The following RWDD3 variants were observed in gnomAD, a reference collection of about 807,000 sequenced individuals.
The protein encoded by RWDD3 is RWD domain containing 3.
In RWDD3, 30 loss-of-function variants were observed where a neutral mutation model predicts 26.5. The observed-to-expected ratio is 1.13, with a 90% CI of 0.85 to 1.54. The LOEUF (loss-of-function observed/expected upper bound fraction) is 1.54, where lower values mean the gene tolerates loss of function less well. Among genes scored for constraint, RWDD3 ranks in the 40% most tolerant of loss-of-function variants. The pLI is 0.00. For missense variants in RWDD3, 296 were observed against 309.1 expected, an observed-to-expected ratio of 0.96 and a Z score of 0.32; for synonymous variants, 113 against 114.5, an observed-to-expected ratio of 0.99 and a Z score of 0.09.
At chr1:95,234,385 C>T in intron 1 of RWDD3, 70 bp downstream of exon 1, 1 of 1,426,184 alleles carries the variant, frequency 7.0e-7, no homozygotes, top group Non-Finnish European at 9.7e-7. Flanking sequence ...CGTCTCCTCC[C>T]CACCACGGAG....
chr1:95,236,143 T>C (rs902841188), intron 1 of RWDD3, among the ~76,000 whole-genome samples: 1 of 152,082 alleles, frequency 6.6e-6, no homozygotes, highest in Non-Finnish European at 1.5e-5. Context: ...CTGGCCAACA[T>C]GGCGAAACCC....
chr1:95,239,577 A>G (rs1200868230), intron 1 of RWDD3, among the ~76,000 whole-genome samples: 1 of 152,156 alleles, frequency 6.6e-6, no homozygotes, highest in Non-Finnish European at 1.5e-5. Context: ...ATCATTTTGT[A>G]TAATCTTATT....
intron 1 of RWDD3, among the ~76,000 whole-genome samples, chr1:95,236,250 C>T (rs957352309): frequency 1.3e-5 from 2 of 151,212 alleles, no homozygotes; most frequent in East Asian, 2.0e-4. Flanking sequence ...CACTTGAACC[C>T]GGGAGGCGGA....
Position 95,234,283 on chromosome 1 carries a change from G to A in RWDD3, c.53G>A (p.Arg18Lys). The change falls in exon 1 of 4, where the codon AGG becomes AAG. Residue 18 changes from arginine (R) to lysine (K), a missense_variant. Arg to Lys is a conservative substitution (Grantham distance 26, BLOSUM62 2). Transcript: ENST00000370202. Reference protein sequence around the residue: ...ELSVLAAIFCRPHEWEVLSRS... With the variant: ...ELSVLAAIFCKPHEWEVLSRS... ...TCGGTCCTGGCCGCGATTTTCTGCA[G>A]GCCCCACGAGTGGGAGGTGCTGAGC... 6.3e-7 allele frequency: 1 copy of A among 1,599,040 alleles called. No homozygotes were observed. Among genetic ancestry groups the A allele is most frequent in the Non-Finnish European group, 8.5e-7 (1 of 1,173,256 alleles).
intron 1 of RWDD3, among the ~76,000 whole-genome samples, chr1:95,239,206 GGGCAGA>G (rs1286191477): frequency 6.6e-6 from 1 of 152,092 alleles, no homozygotes; most frequent in Non-Finnish European, 1.5e-5. Context: ...GGCTAAGGAG[GGGCAGA>G]GATTAGTATT....
At chr1:95,234,385 C>A in intron 1 of RWDD3, 70 bp downstream of exon 1, 1 of 1,426,182 alleles carries the variant, frequency 7.0e-7, no homozygotes, top group African/African-American at 1.4e-5. Context: ...CGTCTCCTCC[C>A]CACCACGGAG....
intron 1 of RWDD3, among the ~76,000 whole-genome samples, chr1:95,234,986 G>A (rs1266510714): frequency 1.3e-5 from 2 of 151,800 alleles, no homozygotes; most frequent in African/African-American, 2.4e-5. Flanking sequence ...TCCGCCTCCC[G>A]AGTAGCTGGG....
intron 1 of RWDD3, among the ~76,000 whole-genome samples, chr1:95,242,675 T>A (rs764743838): frequency 6.6e-6 from 1 of 152,118 alleles, no homozygotes; most frequent in Non-Finnish European, 1.5e-5. Context: ...TCCCAGCACT[T>A]TGGGAGGCCA....
At chr1:95,243,542 G>C (rs1219027372) in intron 1 of RWDD3, 2 of 152,316 alleles carry the variant, frequency 1.3e-5, no homozygotes, top group African/African-American at 4.8e-5. Flanking sequence ...GAGAGCAGAG[G>C]ATTTCATATG....
Position 95,242,303 on chromosome 1 carries a change from G to A in RWDD3, c.86-1908G>A, listed in dbSNP as rs12023967. On this transcript the variant is annotated intron_variant, in intron 1 of 3. Transcript: ENST00000370202. ...TCACTTGGGATATATCCCTGCTCTC[G>A]TGTTCTGAAACACTGGATTGAGTCA... is the stretch of plus-strand genomic sequence containing the variant. Among the ~76,000 whole-genome samples, 285 of 152,332 alleles carry A rather than the reference G, an allele frequency of 1.9e-3. 6 individuals are homozygous for A. The East Asian group carries it at 0.047, about 25-fold the overall frequency.
intron 1 of RWDD3, among the ~76,000 whole-genome samples, chr1:95,236,272 G>A (rs1484036720): frequency 6.6e-6 from 1 of 151,066 alleles, no homozygotes; most frequent in African/African-American, 2.4e-5. Flanking sequence ...GTTGCAGTGA[G>A]CCAAGATCTC....
chr1:95,234,300 G>C lies in RWDD3; in HGVS notation c.70G>C (p.Val24Leu), dbSNP rs375218626. Residue 24 changes from valine to leucine, a missense_variant, in exon 1 of 4, where the codon GTG becomes CTG. Val to Leu is a conservative substitution (Grantham distance 32). Coordinates refer to ENST00000370202, the MANE Select transcript of RWDD3 (RefSeq NM_015485.5). ...TTTCTGCAGGCCCCACGAGTGGGAGGTGCTGAGCCGCTCAGGTGACTACCC... is the reference window on the plus strand; with the variant it reads ...TTTCTGCAGGCCCCACGAGTGGGAGCTGCTGAGCCGCTCAGGTGACTACCC... ...AIFCRPHEWE[V>L]LSRSETDGTV... 4 of 1,595,872 alleles carry C rather than the reference G, an allele frequency of 2.5e-6. No homozygotes were observed. The African/African-American group carries it at 5.4e-5, about 21-fold the overall frequency.
chr1:95,244,423 G>T lies in RWDD3; in HGVS notation c.298G>T (p.Val100Phe). The T allele has an allele frequency of 6.2e-7, 1 of 1,614,176 alleles. No individual in the cohort carries two copies. The highest frequency in any genetic ancestry group is 8.5e-7 in the Non-Finnish European group (1 of 1,180,018). ...AGAGAGCCTTTTGTCGGAGCCTATG[G>T]TTCATGAGCTGGTTCTCTGGATTCA... ...QAESLLSEPM[V>F]HELVLWIQQN... Residue 100 changes from valine (V) to phenylalanine (F), a missense_variant, in exon 2 of 4, where the codon GTT (valine) becomes TTT (phenylalanine). Coordinates refer to ENST00000370202, the MANE Select transcript of RWDD3 (RefSeq NM_015485.5).
intron 1 of RWDD3, among the ~76,000 whole-genome samples, chr1:95,235,107 C>T (rs1326506984): frequency 2.6e-5 from 4 of 151,126 alleles, no homozygotes; most frequent in Non-Finnish European, 4.4e-5. Context: ...AGTGCAGTGG[C>T]GCGATCTCGG....
At position 95,244,197 on chromosome 1, in the gene RWDD3, T is replaced by G. The variant is rs965897452; in HGVS notation, c.86-14T>G. On this transcript the variant is annotated splice_polypyrimidine_tract_variant and intron_variant, in intron 1 of 3. Coordinates refer to ENST00000370202, the MANE Select transcript of RWDD3 (RefSeq NM_015485.5). ...ATAATGTACAGCTAATGATTATTTT[T>G]GGATGCCTTCCAGAGACAGATGGGA... 1 of 1,608,380 alleles carries G rather than the reference T, an allele frequency of 6.2e-7. No homozygotes were observed. The highest frequency in any genetic ancestry group is 1.3e-5 in the African/African-American group (1 of 74,922).
rs529660999 is a variant in RWDD3 at position 95,244,418 on chromosome 1, C to G, written c.293C>G (p.Pro98Arg). ...LEQAESLLSE[P>R]MVHELVLWIQ... ...CAAGCAGAGAGCCTTTTGTCGGAGC[C>G]TATGGTTCATGAGCTGGTTCTCTGG... Residue 98 changes from proline to arginine, a missense_variant, in exon 2 of 4, where the codon CCT (proline) becomes CGT (arginine). Physicochemically the swap from Pro to Arg is moderately radical, Grantham distance 103. Transcript: ENST00000370202. 9.7e-4 allele frequency: 1,570 copies of G among 1,614,158 alleles called. 27 individuals carry two copies. The South Asian group carries it at 0.016, about 17-fold the overall frequency.
chr1:95,241,223 G>A (rs2101110997), intron 1 of RWDD3, among the ~76,000 whole-genome samples: 1 of 152,130 alleles, frequency 6.6e-6, no homozygotes, highest in African/African-American at 2.4e-5. Context: ...GCAGTTCCTT[G>A]GTCACTAACA....
At chr1:95,238,373 A>T (rs753314444) in intron 1 of RWDD3, among the ~76,000 whole-genome samples, 1 of 152,040 alleles carries the variant, frequency 6.6e-6, no homozygotes, top group Non-Finnish European at 1.5e-5. Flanking sequence ...GCTGACTTCT[A>T]TAAAACCGAT....
In RWDD3 at chr1:95,244,449, G is replaced by A. The variant is rs1309681162; in HGVS notation, c.324G>A (p.Gln108=). ...PMVHELVLWI[Q]QNLRHILSQP... is the part of the protein sequence containing the mutation. ...TTCATGAGCTGGTTCTCTGGATTCA[G>A]CAGAATCTCAGGCATATCCTCAGCC... Residue 108 remains glutamine (Q), a synonymous_variant, in exon 2 of 4, where the codon CAG becomes CAA. Transcript: ENST00000370202. 1 of 1,614,206 alleles carries A rather than the reference G, an allele frequency of 6.2e-7. No homozygotes were observed. Among genetic ancestry groups the A allele is most frequent in the East Asian group, 2.2e-5 (1 of 44,878 alleles).
Sources: gnomAD v4.1 joint callset for allele counts (sites outside exome capture counted in the v4.1 genomes callset) on GRCh38, gnomAD v4.1.1 for gene constraint, MANE v1.5 for transcripts, NCBI Gene and HGNC (gene_info 2026-07-23, HGNC 2026-07-21) for gene names.